Variants in PCDHGA8 observed in about 807,000 individuals in gnomAD.
The protein encoded by PCDHGA8 is protocadherin gamma-A8.
PCDHGA8 carries 45 observed loss-of-function variants against 59.2 expected under a neutral mutation model. The observed-to-expected ratio is 0.76, with a 90% CI of 0.60 to 0.98. The LOEUF is 0.98. PCDHGA8 is among the 50% of genes least tolerant of loss of function. The probability of loss-of-function intolerance (pLI) is 0.00; values close to 1 mark genes in which losing one functional copy is unlikely to be tolerated. For synonymous variants in PCDHGA8, 531 were observed against 519.0 expected (o/e 1.02, Z -0.32); for missense variants, 1,257 against 1,196.2 (o/e 1.05, Z -0.75).
rs376067853 is a variant in PCDHGA8, at chr5:141,408,397, G to C, written c.2424+13160G>C. 261 of 1,614,068 alleles carry C rather than the reference G, an allele frequency of 1.6e-4. 1 individual carries two copies. In the East Asian group the frequency reaches 5.2e-3, roughly 32 times the overall value. On this transcript the variant is annotated intron_variant, in intron 1 of 3. Coordinates refer to ENST00000398604, the MANE Select transcript of PCDHGA8 (RefSeq NM_032088.2). The stretch of plus-strand genomic sequence containing the variant: ...GTGTCCTGGATGTGTCGGCTCGCAA[G>C]CTGCGAGTGAGCGCGGAGAAGCTGC...
intron 2 of PCDHGA8, among the ~76,000 whole-genome samples, chr5:141,501,988 T>C (rs2099812189): frequency 6.6e-6 from 1 of 152,056 alleles, no homozygotes; most frequent in Non-Finnish European, 1.5e-5. Flanking sequence ...GGTCCCGTTG[T>C]CTCCCTGACA....
intron 1 of PCDHGA8, among the ~76,000 whole-genome samples, chr5:141,433,664 C>G (rs1027404017): frequency 6.6e-6 from 1 of 151,966 alleles, no homozygotes; most frequent in South Asian, 2.1e-4. Flanking sequence ...GGAGAAACCC[C>G]GTCTATACTA....
rs78612001 is a variant in PCDHGA8 at position 141,432,435 on chromosome 5, C to A, written c.2424+37198C>A. ...TTCGTGCTGGACCAGAACGACAATG[C>A]GCCCGAGATCCTGTACCCCGCCCTC... On this transcript the variant is annotated intron_variant, in intron 1 of 3. Coordinates refer to ENST00000398604, the MANE Select transcript of PCDHGA8 (RefSeq NM_032088.2). The surrounding 1 kb of genome is among the most constrained non-coding windows in gnomAD (Gnocchi z 6.0). The A allele has an allele frequency of 0.027, 43,228 of 1,614,212 alleles. 830 individuals are homozygous for A. The highest frequency in any genetic ancestry group is 0.092 in the African/African-American group (6,903 of 75,054).
chr5:141,420,080 C>T (rs754438863), intron 1 of PCDHGA8: 2 of 1,614,010 alleles, frequency 1.2e-6, no homozygotes, highest in Non-Finnish European at 1.7e-6. Context: ...TGTGGGTCCC[C>T]CCAACTACAG....
chr5:141,491,964 C>T lies in PCDHGA8; in HGVS notation c.2425-2843C>T, dbSNP rs1382490003. 2.1e-6 allele frequency: 2 copies of T among 943,836 alleles called. No individual in the cohort carries two copies. The highest frequency in any genetic ancestry group is 3.0e-6 in the Non-Finnish European group (2 of 671,104). 58.5% of individuals were successfully genotyped at this position (943,836 alleles called of 1,614,324 possible). On this transcript the variant is annotated intron_variant, in intron 1 of 3. Transcript: ENST00000398604. The surrounding 1 kb of genome is among the most constrained non-coding windows in gnomAD (Gnocchi z 6.9). ...CCCCACCCCTACACTCAAAAAAGGC[C>T]GGGGCCTCCTTCGAGCTTCCGGTGA...
chr5:141,487,661 C>A lies in PCDHGA8; in HGVS notation c.2425-7146C>A. ...ACAAATGCTTGAGGGTTATTCTGATCCAGGCATATGGCTAGGCCATGTCCT... is the reference window on the plus strand; with the variant it reads ...ACAAATGCTTGAGGGTTATTCTGATACAGGCATATGGCTAGGCCATGTCCT... On this transcript the variant is annotated intron_variant, in intron 1 of 3. Transcript: ENST00000398604. This position sits in a 1 kb window ranked among gnomAD's most constrained non-coding sequence, Gnocchi z 5.0. The A allele has an allele frequency of 6.2e-7, 1 of 1,613,366 alleles. No homozygotes were observed. Among genetic ancestry groups the A allele is most frequent in the Non-Finnish European group, 8.5e-7 (1 of 1,179,646 alleles).
Position 141,394,883 on chromosome 5 carries a change from ACTCTAT to A in PCDHGA8, c.2074_2079del (p.Tyr692_Leu693del). Reference sequence around the variant, plus strand: ...TCGACCCGAACGATTCGAGCCTTACACTCTATCTCGTGGTGGCAGTGGCTGCCATCT... The same window carrying A: ...TCGACCCGAACGATTCGAGCCTTACACTCGTGGTGGCAGTGGCTGCCATCT... On this transcript the variant is annotated inframe_deletion, in exon 1 of 4. Transcript: ENST00000398604. 6.2e-7 allele frequency: 1 copy of A among 1,611,724 alleles called. No individual in the cohort carries two copies. The highest frequency in any genetic ancestry group is 8.5e-7 in the Non-Finnish European group (1 of 1,179,404).
intron 1 of PCDHGA8, among the ~76,000 whole-genome samples, chr5:141,484,358 G>A (rs2099595185): frequency 6.6e-6 from 1 of 152,160 alleles, no homozygotes; most frequent in South Asian, 2.1e-4. Flanking sequence ...AGTGTATCTA[G>A]TGTATCACTA....
intron 1 of PCDHGA8, among the ~76,000 whole-genome samples, chr5:141,483,980 G>C (rs1379963326): frequency 2.0e-5 from 3 of 148,294 alleles, no homozygotes; most frequent in African/African-American, 7.5e-5. Flanking sequence ...CAAGGGAGTA[G>C]CTAGGTTGCT....
chr5:141,457,023 A>G (rs1339517071), intron 1 of PCDHGA8, among the ~76,000 whole-genome samples: 1 of 152,228 alleles, frequency 6.6e-6, no homozygotes, highest in Non-Finnish European at 1.5e-5. Flanking sequence ...AAAAAGTCCT[A>G]GTAGACTCAG....
chr5:141,399,414 C>T, intron 1 of PCDHGA8: 1 of 1,614,034 alleles, frequency 6.2e-7, no homozygotes, highest in East Asian at 2.2e-5. Flanking sequence ...CGCCCCTCTC[C>T]TCCAGCATAA....
At chr5:141,456,821 A>G (rs1432134342) in intron 1 of PCDHGA8, among the ~76,000 whole-genome samples, 2 of 151,744 alleles carry the variant, frequency 1.3e-5, no homozygotes, top group Admixed American at 6.6e-5. Context: ...AAAATTAGCC[A>G]TCGTGGTAGT....
chr5:141,413,129 A>T (rs761379605), intron 1 of PCDHGA8: 41 of 1,536,352 alleles, frequency 2.7e-5, no homozygotes, highest in Non-Finnish European at 3.6e-5. Context: ...GTTGAAACAC[A>T]CAACGTGTCC....
chr5:141,409,230 A>G, intron 1 of PCDHGA8: 1 of 1,614,024 alleles, frequency 6.2e-7, no homozygotes. Context: ...GAAAACGACA[A>G]CAGCCCAGAA....
chr5:141,426,772 C>T, intron 1 of PCDHGA8: 1 of 456,686 alleles, frequency 2.2e-6, no homozygotes, highest in South Asian at 1.5e-5. Context: ...GATGTAGGGC[C>T]TCACTCTCTC....
At chr5:141,461,603 G>A (rs1413122199) in intron 1 of PCDHGA8, among the ~76,000 whole-genome samples, 8 of 152,092 alleles carry the variant, frequency 5.3e-5, no homozygotes, top group African/African-American at 1.9e-4. Context: ...TTATAATTTA[G>A]TTCAAAGTAT....
intron 1 of PCDHGA8, chr5:141,424,304 C>T (rs909355692): frequency 2.0e-5 from 3 of 152,464 alleles, no homozygotes; most frequent in Admixed American, 2.0e-4. Flanking sequence ...CCTATCAACA[C>T]AGACATATTG....
chr5:141,399,890 T>A, intron 1 of PCDHGA8: 1 of 1,612,638 alleles, frequency 6.2e-7, no homozygotes, highest in South Asian at 1.1e-5. Context: ...ACCAAGGTAG[T>A]GGCCGTGGAC....
At chr5:141,417,602 C>G in intron 1 of PCDHGA8, 1 of 510,170 alleles carries the variant, frequency 2.0e-6, no homozygotes, top group Middle Eastern at 5.2e-4. Context: ...TGGGCGCCGC[C>G]GTCGGCCAGT....
Sources: allele counts gnomAD v4.1 joint callset (sites outside exome capture counted in the v4.1 genomes callset), GRCh38; gene constraint gnomAD v4.1.1; non-coding constraint Gnocchi (gnomAD v3.1); transcripts MANE v1.5; gene names NCBI Gene and HGNC (gene_info 2026-07-23, HGNC 2026-07-21).